The following SLC44A5 variants were observed in gnomAD, a reference collection of about 807,000 sequenced individuals.
SLC44A5 encodes choline transporter-like protein 5.
Under a neutral mutation model 101.8 loss-of-function variants are expected in SLC44A5, and 57 were observed. The observed-to-expected ratio is 0.56, with a 90% CI of 0.45 to 0.70. The LOEUF (loss-of-function observed/expected upper bound fraction) is 0.70, where lower values mean the gene tolerates loss of function less well. Ranked by LOEUF, SLC44A5 falls within the 30% of genes least tolerant of loss-of-function variation. The pLI is 0.00. For synonymous variants in SLC44A5, 281 were observed against 290.9 expected (o/e 0.97, Z 0.35); for missense variants, 737 against 853.1 (o/e 0.86, Z 1.70).
chr1:75,266,705 C>T (rs1340309314), intron 6 of SLC44A5, among the ~76,000 whole-genome samples: 1 of 152,136 alleles, frequency 6.6e-6, no homozygotes, highest in Non-Finnish European at 1.5e-5. Flanking sequence ...CCTTTTTTCT[C>T]ATTCATTTAA....
At chr1:75,215,526 AT>A (rs570793218) in intron 19 of SLC44A5, among the ~76,000 whole-genome samples, 1 of 152,158 alleles carries the variant, frequency 6.6e-6, no homozygotes, top group African/African-American at 2.4e-5. Flanking sequence ...AGTGTGTAAT[AT>A]TTTTTTCTCT....
chr1:75,515,458 C>A (rs1362933187), intron 2 of SLC44A5, among the ~76,000 whole-genome samples: 2 of 152,054 alleles, frequency 1.3e-5, no homozygotes, highest in African/African-American at 4.8e-5. Context: ...GCCTCTGTAA[C>A]CACCATTCTA....
intron 12 of SLC44A5, among the ~76,000 whole-genome samples, chr1:75,229,214 C>G (rs1214988421): frequency 1.3e-5 from 2 of 152,030 alleles, no homozygotes; most frequent in Admixed American, 1.3e-4. Context: ...CATCTCCTTA[C>G]TGGTCTCGTT....
chr1:75,237,928 A>G (rs1648250063), intron 10 of SLC44A5, among the ~76,000 whole-genome samples: 1 of 151,852 alleles, frequency 6.6e-6, no homozygotes, highest in Non-Finnish European at 1.5e-5. Context: ...GTACACATTT[A>G]TGTTTGTGCA....
the SLC44A5 span, among the ~76,000 whole-genome samples, chr1:75,716,465 TG>T: frequency 4.0e-5 from 6 of 151,594 alleles, no homozygotes; most frequent in Non-Finnish European, 8.8e-5. Flanking sequence ...AGTGACACTC[TG>T]TCTCAAAAAA....
chr1:75,227,644 T>C (rs1647238042), intron 13 of SLC44A5, 82 bp downstream of exon 13: 1 of 1,185,960 alleles, frequency 8.4e-7, no homozygotes, highest in Non-Finnish European at 1.1e-6. Context: ...TAACAGGTTA[T>C]ACCAACCCAA....
chr1:75,271,279 T>C (rs1370394083), intron 6 of SLC44A5, among the ~76,000 whole-genome samples: 1 of 152,128 alleles, frequency 6.6e-6, no homozygotes, highest in Non-Finnish European at 1.5e-5. Flanking sequence ...CTTTTCTTAT[T>C]TACATTTAAA....
intron 7 of SLC44A5, among the ~76,000 whole-genome samples, chr1:75,250,007 CTTTTA>C (rs1349322787): frequency 6.6e-6 from 1 of 152,036 alleles, no homozygotes; most frequent in Non-Finnish European, 1.5e-5. Flanking sequence ...TTTTTAAAAA[CTTTTA>C]TTTTAAGTTC....
At chr1:75,489,187 C>T (rs1668308646) in intron 2 of SLC44A5, among the ~76,000 whole-genome samples, 1 of 151,984 alleles carries the variant, frequency 6.6e-6, no homozygotes, top group South Asian at 2.1e-4. Context: ...AGTACCCTTT[C>T]CTTACTAAAA....
chr1:75,569,146 C>T (rs1217278613), intron 1 of SLC44A5, among the ~76,000 whole-genome samples: 2 of 151,926 alleles, frequency 1.3e-5, no homozygotes, highest in Non-Finnish European at 2.9e-5. Flanking sequence ...TTTTACCCAA[C>T]TCAAATGTCA....
the SLC44A5 span, among the ~76,000 whole-genome samples, chr1:75,647,138 G>C: frequency 2.0e-5 from 3 of 152,178 alleles, no homozygotes; most frequent in Non-Finnish European, 2.9e-5. Context: ...TTGCTGCTTT[G>C]TGCAGGCTTG....
chr1:75,243,285 C>T (rs1232210340), intron 7 of SLC44A5, among the ~76,000 whole-genome samples: 2 of 151,940 alleles, frequency 1.3e-5, no homozygotes, highest in Non-Finnish European at 2.9e-5. Flanking sequence ...TACAGGCAAA[C>T]ACCACCATGC....
At chr1:75,554,880 C>T (rs1406615676) in intron 1 of SLC44A5, among the ~76,000 whole-genome samples, 1 of 151,862 alleles carries the variant, frequency 6.6e-6, no homozygotes, top group East Asian at 1.9e-4. Flanking sequence ...ATTATTAGCT[C>T]TAGAGTAAAC....
At chr1:75,418,305 A>G (rs1397635143) in intron 2 of SLC44A5, among the ~76,000 whole-genome samples, 2 of 152,230 alleles carry the variant, frequency 1.3e-5, no homozygotes, top group African/African-American at 4.8e-5. Context: ...AATAGATACA[A>G]TTTTGGAGCT....
the SLC44A5 span, chr1:75,677,627 T>C: frequency 2.8e-6 from 1 of 362,718 alleles, no homozygotes; most frequent in Non-Finnish European, 5.3e-6. Flanking sequence ...GAGTAAGTCC[T>C]TAATTATCAA....
At chr1:75,548,835 C>T (rs1022296392) in intron 1 of SLC44A5, among the ~76,000 whole-genome samples, 1 of 152,158 alleles carries the variant, frequency 6.6e-6, no homozygotes, top group Non-Finnish European at 1.5e-5. Flanking sequence ...AATTTGACCA[C>T]AGCCAATTCA....
rs547811188 is a variant in SLC44A5 at position 75,481,657 on chromosome 1, C to G, written c.13+59778G>C. ...CAGCCAACAGACACATGAAAAAATGCTCACCATCACTGGCCATCAGAGAAA... is the reference window on the plus strand; with the variant it reads ...CAGCCAACAGACACATGAAAAAATGGTCACCATCACTGGCCATCAGAGAAA... On this transcript the variant is annotated intron_variant, in intron 2 of 23. Transcript: ENST00000370859. 5.1e-4 allele frequency among the ~76,000 whole-genome samples: 78 copies of G among 152,176 alleles called. 1 individual carries two copies. The highest frequency in any genetic ancestry group is 1.7e-3 in the African/African-American group (71 of 41,550).
intron 23 of SLC44A5, among the ~76,000 whole-genome samples, chr1:75,209,972 G>C (rs935751914): frequency 5.9e-5 from 9 of 152,116 alleles, no homozygotes; most frequent in Non-Finnish European, 1.3e-4. Flanking sequence ...GGCATGGAAG[G>C]TGAAAGCCAG....
chr1:75,670,662 C>T, the SLC44A5 span, among the ~76,000 whole-genome samples: 2 of 152,084 alleles, frequency 1.3e-5, no homozygotes, highest in African/African-American at 4.8e-5. Context: ...GGAGAAAATA[C>T]AGAATTGGGG....
Sources: allele counts gnomAD v4.1 joint callset (sites outside exome capture counted in the v4.1 genomes callset), GRCh38; gene constraint gnomAD v4.1.1; transcripts MANE v1.5; gene names NCBI Gene and HGNC (gene_info 2026-07-23, HGNC 2026-07-21).